AMPH: variants seen among roughly 807,000 people sequenced by gnomAD.
AMPH encodes amphiphysin.
A neutral mutation model predicts 99.1 loss-of-function variants in AMPH; 49 were observed. That is an observed-to-expected ratio of 0.49 (90% CI 0.39 to 0.63). AMPH has a LOEUF of 0.63. Ranked by LOEUF, AMPH falls within the 20% of genes least tolerant of loss-of-function variation. The pLI, the probability that AMPH is intolerant of heterozygous loss-of-function variation, is 0.00. For synonymous variants in AMPH, 314 were observed against 317.3 expected (o/e 0.99, Z 0.11); for missense variants, 759 against 863.4 (o/e 0.88, Z 1.52).
intron 9 of AMPH, among the ~76,000 whole-genome samples, chr7:38,464,923 G>T (rs1787592804): frequency 6.6e-6 from 1 of 152,046 alleles, no homozygotes; most frequent in African/African-American, 2.4e-5. Context: ...GGGGCTCCGG[G>T]GTATTTGACT....
intron 20 of AMPH, among the ~76,000 whole-genome samples, chr7:38,386,837 G>T (rs1286119918): frequency 6.6e-6 from 1 of 152,196 alleles, no homozygotes; most frequent in Non-Finnish European, 1.5e-5. Flanking sequence ...TGAAAGTAGA[G>T]AACTGCAAGG....
At chr7:38,473,762 G>C (rs1179787560) in intron 7 of AMPH, among the ~76,000 whole-genome samples, 1 of 105,204 alleles carries the variant, frequency 9.5e-6, no homozygotes, top group Non-Finnish European at 2.2e-5. Flanking sequence ...TCCATGAAAT[G>C]TAAGAGCAAA....
rs919817682 is a variant in AMPH, at chr7:38,562,300, C to T, written c.70-27289G>A. Among the ~76,000 whole-genome samples, 3 of 152,328 alleles carry T rather than the reference C, an allele frequency of 2.0e-5. No homozygotes were observed. The East Asian group carries it at 5.8e-4, about 29-fold the overall frequency. ...AGAGAAAGTCATCATTGTCTGGCAG[C>T]ACTAAGCAGCTAGTTGTCTGACAGG... is the stretch of plus-strand genomic sequence containing the variant. On this transcript the variant is annotated intron_variant, in intron 1 of 20. Transcript: ENST00000356264.
intron 2 of AMPH, among the ~76,000 whole-genome samples, chr7:38,507,361 C>A (rs1288896273): frequency 1.3e-5 from 2 of 152,122 alleles, no homozygotes; most frequent in African/African-American, 2.4e-5. Context: ...TATTAAAATT[C>A]TTAATTTTCC....
chr7:38,471,846 T>C (rs966752169), intron 7 of AMPH, among the ~76,000 whole-genome samples: 27 of 152,132 alleles, frequency 1.8e-4, no homozygotes, highest in African/African-American at 6.5e-4. Context: ...GCTATAGTAA[T>C]ATCAGACAAA....
intron 15 of AMPH, among the ~76,000 whole-genome samples, chr7:38,423,696 G>A (rs1306360630): frequency 1.3e-5 from 2 of 152,158 alleles, no homozygotes; most frequent in Non-Finnish European, 2.9e-5. Flanking sequence ...CTGCAAATCA[G>A]TCCGATTTGT....
At chr7:38,483,119 T>C (rs749490699) in intron 5 of AMPH, among the ~76,000 whole-genome samples, 9 of 151,980 alleles carry the variant, frequency 5.9e-5, no homozygotes, top group Admixed American at 6.6e-5. Flanking sequence ...AGTGAAGAAA[T>C]AGGACAGCAC....
intron 12 of AMPH, among the ~76,000 whole-genome samples, chr7:38,433,745 A>AAAAAAAAAAAAAAT (rs1786142665): frequency 7.0e-6 from 1 of 142,612 alleles, no homozygotes; most frequent in Non-Finnish European, 1.5e-5. Flanking sequence ...AAAAAAAAAA[A>AAAAAAAAAAAAAAT]AGAATCAAAG....
intron 17 of AMPH, among the ~76,000 whole-genome samples, chr7:38,402,415 T>A (rs146635783): frequency 6.6e-6 from 1 of 152,244 alleles, no homozygotes; most frequent in South Asian, 2.1e-4. Flanking sequence ...AAAAATGTAT[T>A]TACTTGCTTA....
At chr7:38,486,851 G>GA (rs1788517210) in intron 5 of AMPH, among the ~76,000 whole-genome samples, 1 of 152,054 alleles carries the variant, frequency 6.6e-6, no homozygotes, top group Non-Finnish European at 1.5e-5. Context: ...AGTAGATGTA[G>GA]AAAATGCATT....
intron 1 of AMPH, among the ~76,000 whole-genome samples, chr7:38,592,846 A>G (rs1792910727): frequency 6.6e-6 from 1 of 152,184 alleles, no homozygotes; most frequent in Admixed American, 6.5e-5. Context: ...GGAAATAGCA[A>G]TACCTGCTTC....
intron 1 of AMPH, among the ~76,000 whole-genome samples, chr7:38,578,710 G>A (rs1002738688): frequency 2.0e-5 from 3 of 152,178 alleles, no homozygotes; most frequent in Non-Finnish European, 4.4e-5. Context: ...TTGGGTTGCA[G>A]TGAGTTATGA....
intron 5 of AMPH, among the ~76,000 whole-genome samples, chr7:38,487,420 G>A (rs1788543489): frequency 6.6e-6 from 1 of 152,052 alleles, no homozygotes; most frequent in South Asian, 2.1e-4. Flanking sequence ...CAAGCAATGA[G>A]GAAAGGATTC....
In AMPH at chr7:38,406,731, C is replaced by CTCTCTCTCTCTCTCT. The variant is rs1562732477; in HGVS notation, c.1398+11093_1398+11094insAGAGAGAGAGAGAGA. Among the ~76,000 whole-genome samples, 83 of 80,584 alleles carry CTCTCTCTCTCTCTCT rather than the reference C, an allele frequency of 1.0e-3. 5 individuals are homozygous for CTCTCTCTCTCTCTCT. Among genetic ancestry groups the CTCTCTCTCTCTCTCT allele is most frequent in the South Asian group, 7.5e-3 (15 of 2,000 alleles). The allele number at this position is 80,584 out of a possible 152,430, so 52.9% of individuals were successfully genotyped here. On this transcript the variant is annotated intron_variant, in intron 17 of 20. Transcript: ENST00000356264. ...CTCCTCTCCTCTCTCTCTCCCTTTC[C>CTCTCTCTCTCTCTCT]CTCTCTCTCTCTCTCTCTCTCTCTC...
At chr7:38,553,090 C>A (rs528537795) in intron 1 of AMPH, among the ~76,000 whole-genome samples, 56 of 152,324 alleles carry the variant, frequency 3.7e-4, no homozygotes, top group Admixed American at 3.3e-3. Context: ...CTATTTCTGG[C>A]AGTCCCTAGG....
intron 17 of AMPH, among the ~76,000 whole-genome samples, chr7:38,395,804 G>A (rs1021846619): frequency 6.6e-6 from 1 of 152,130 alleles, no homozygotes; most frequent in Non-Finnish European, 1.5e-5. Flanking sequence ...GAGTACCTCC[G>A]AGTGAGCATC....
intron 17 of AMPH, 37 bp downstream of exon 17, chr7:38,417,788 C>A (rs377750480): frequency 1.9e-6 from 3 of 1,608,358 alleles, no homozygotes; most frequent in East Asian, 4.5e-5. Flanking sequence ...GCTGTGGCAG[C>A]GAGGCAGATG....
intron 1 of AMPH, among the ~76,000 whole-genome samples, chr7:38,559,456 G>A (rs111261712): frequency 3.9e-5 from 6 of 152,306 alleles, no homozygotes; most frequent in African/African-American, 1.4e-4. Context: ...AGGGATCCCA[G>A]CAATACACCC....
In AMPH at chr7:38,620,354, G is replaced by C. The variant is rs189912068; in HGVS notation, c.69+10929C>G. Among the ~76,000 whole-genome samples the C allele has an allele frequency of 3.2e-4, 48 of 148,004 alleles. No individual in the cohort carries two copies. The East Asian group carries it at 8.7e-3, about 27-fold the overall frequency. On this transcript the variant is annotated intron_variant, in intron 1 of 20. Coordinates refer to ENST00000356264, the MANE Select transcript of AMPH (RefSeq NM_001635.4). Reference sequence around the variant, plus strand: ...TATATATATGTGTGTGTGTGTGTGTGTGTGTGTGTCTGTGTGTGTGTGTTA... The same window carrying C: ...TATATATATGTGTGTGTGTGTGTGTCTGTGTGTGTCTGTGTGTGTGTGTTA...
Sources: gnomAD v4.1 joint callset for allele counts (sites outside exome capture counted in the v4.1 genomes callset) on GRCh38, gnomAD v4.1.1 for gene constraint, MANE v1.5 for transcripts, NCBI Gene and HGNC (gene_info 2026-07-23, HGNC 2026-07-21) for gene names.